The following ICOS variants were observed in gnomAD, a reference collection of about 807,000 sequenced individuals.
The protein encoded by ICOS is inducible T-cell costimulator.
Under a neutral mutation model 24.6 loss-of-function variants are expected in ICOS, and 15 were observed. The ratio of observed to expected loss-of-function variants is 0.61; its 90% CI spans 0.41 to 0.94. The LOEUF (loss-of-function observed/expected upper bound fraction) is 0.94, where lower values mean the gene tolerates loss of function less well. Among genes scored for constraint, ICOS ranks in the 40% least tolerant of loss-of-function variants. The pLI, the probability that ICOS is intolerant of heterozygous loss-of-function variation, is 0.00. For synonymous variants in ICOS, 89 were observed against 77.5 expected (o/e 1.15, Z -0.78); for missense variants, 200 against 233.0 (o/e 0.86, Z 0.92).
chr2:203,939,106 T>C (rs1477257243), intron 1 of ICOS, among the ~76,000 whole-genome samples: 1 of 152,228 alleles, frequency 6.6e-6, no homozygotes, highest in East Asian at 1.9e-4. Context: ...CTTTAGTCAG[T>C]GTTTGAAGAA....
chr2:203,957,128 G>A (rs985603186), intron 3 of ICOS, among the ~76,000 whole-genome samples: 3 of 152,144 alleles, frequency 2.0e-5, no homozygotes, highest in Admixed American at 1.3e-4. Context: ...CATGGGCTGC[G>A]AATTTGAATC....
rs1690133351 is a variant in ICOS at position 203,959,464 on chromosome 2, GTGTGTGTGTGTGTGCACGTGTGTGTT to G, written c.587-114_587-89del. 43 of 793,228 alleles carry G rather than the reference GTGTGTGTGTGTGTGCACGTGTGTGTT, an allele frequency of 5.4e-5. No homozygotes were observed. The South Asian group carries it at 5.8e-4, about 11-fold the overall frequency. 49.1% of individuals were successfully genotyped at this position (793,228 alleles called of 1,614,324 possible). ...GCATGGTGTGTGTGTGAGTGTGTGT[GTGTGTGTGTGTGTGCACGTGTGTGTT>G]TGTGTGTATGAAAGGCAATGGAGAG... On this transcript the variant is annotated intron_variant, in intron 4 of 4. Transcript: ENST00000316386.
At chr2:203,948,494 G>C (rs1019921440) in intron 1 of ICOS, among the ~76,000 whole-genome samples, 1 of 151,978 alleles carries the variant, frequency 6.6e-6, no homozygotes, top group Non-Finnish European at 1.5e-5. Context: ...TCATTTGTTC[G>C]CCCATCCAAC....
intron 1 of ICOS, among the ~76,000 whole-genome samples, chr2:203,950,702 C>G (rs1326749320): frequency 6.6e-5 from 10 of 152,160 alleles, no homozygotes; most frequent in Admixed American, 6.6e-4. Context: ...GCCTTCTGAT[C>G]ACTACATTTC....
chr2:203,955,069 C>T lies in ICOS; in HGVS notation c.59-567C>T, dbSNP rs543136257. On this transcript the variant is annotated intron_variant, in intron 1 of 4. Coordinates refer to ENST00000316386, the MANE Select transcript of ICOS (RefSeq NM_012092.4). ...TTGATCAACAGGTAGACAATTCCTTCTCCCCAAGATATACCTACTAATAAA... is the reference window on the plus strand; with the variant it reads ...TTGATCAACAGGTAGACAATTCCTTTTCCCCAAGATATACCTACTAATAAA... 5.9e-5 allele frequency among the ~76,000 whole-genome samples: 9 copies of T among 152,048 alleles called. No homozygotes were observed. The South Asian group carries it at 1.9e-3, about 32-fold the overall frequency.
chr2:203,953,222 T>G (rs1169665840), intron 1 of ICOS, among the ~76,000 whole-genome samples: 1 of 152,190 alleles, frequency 6.6e-6, no homozygotes, highest in Admixed American at 6.6e-5. Context: ...TTCTGGGAGT[T>G]GAGACATAAA....
intron 1 of ICOS, among the ~76,000 whole-genome samples, 188 bp from the exon 2 acceptor site, chr2:203,955,448 T>C (rs2105753943): frequency 6.6e-6 from 1 of 152,266 alleles, no homozygotes; most frequent in South Asian, 2.1e-4. Flanking sequence ...TAGGATTTTT[T>C]TTTCTCTAGG....
At chr2:203,937,448 C>CA (rs1448186788) in intron 1 of ICOS, among the ~76,000 whole-genome samples, 1 of 152,038 alleles carries the variant, frequency 6.6e-6, no homozygotes, top group Non-Finnish European at 1.5e-5. Context: ...GTAGACCTTA[C>CA]AAAAAAGATC....
intron 1 of ICOS, among the ~76,000 whole-genome samples, chr2:203,946,685 A>T (rs1439543331): frequency 6.6e-6 from 1 of 152,086 alleles, no homozygotes; most frequent in Non-Finnish European, 1.5e-5. Flanking sequence ...TAATGCCAGA[A>T]TTTCTTAGTA....
rs542566370 is a variant in ICOS at position 203,938,575 on chromosome 2, C to T, written c.58+1703C>T. 3.3e-5 allele frequency among the ~76,000 whole-genome samples: 5 copies of T among 152,282 alleles called. No homozygotes were observed. In the East Asian group the frequency reaches 7.7e-4, roughly 24 times the overall value. ...CAGATTTTGGATATTCTTCCAAGAA[C>T]GTTGGTACCATTCGTGGAAGGGTTT... On this transcript the variant is annotated intron_variant, in intron 1 of 4. Coordinates refer to ENST00000316386, the MANE Select transcript of ICOS (RefSeq NM_012092.4).
intron 1 of ICOS, among the ~76,000 whole-genome samples, chr2:203,941,433 A>C (rs982634020): frequency 6.6e-6 from 1 of 152,196 alleles, no homozygotes; most frequent in Non-Finnish European, 1.5e-5. Flanking sequence ...GGGGGGACTG[A>C]AATTCTTATA....
chr2:203,959,805 C>A lies in ICOS; in HGVS notation c.*206C>A. 1 of 636,596 alleles carries A rather than the reference C, an allele frequency of 1.6e-6. No homozygotes were observed. Among genetic ancestry groups the A allele is most frequent in the South Asian group, 1.8e-5 (1 of 56,392 alleles). 39.4% of individuals were successfully genotyped at this position (636,596 alleles called of 1,614,324 possible). A position where few individuals can be genotyped will look rare whatever the true frequency, so the allele number is the denominator to read the frequency against. ...TTGGTACTGCCGAGTCCTCTCAAAA[C>A]AAACACCCTCTTGCAACCAGCTTTG... On this transcript the variant is annotated 3_prime_UTR_variant, in exon 5 of 5. Transcript: ENST00000316386.
intron 1 of ICOS, among the ~76,000 whole-genome samples, chr2:203,939,954 C>T (rs890248892): frequency 6.6e-6 from 1 of 152,130 alleles, no homozygotes; most frequent in South Asian, 2.1e-4. Flanking sequence ...TGTTTATTTA[C>T]TACTTATTTT....
At chr2:203,940,374 C>A (rs1056536362) in intron 1 of ICOS, among the ~76,000 whole-genome samples, 1 of 152,204 alleles carries the variant, frequency 6.6e-6, no homozygotes, top group Non-Finnish European at 1.5e-5. Flanking sequence ...ACATCACATA[C>A]GTTCAATGAC....
chr2:203,955,855 C>T lies in ICOS; in HGVS notation c.278C>T (p.Ser93Phe). The T allele has an allele frequency of 6.2e-7, 1 of 1,613,694 alleles. No homozygotes were observed. ...CHSQLSNNSV[S>F]FFLYNLDHSH... ...TCTCAGTTATCCAACAACAGTGTCTCTTTTTTTCTATACAACTTGGACCAT... is the reference window on the plus strand; with the variant it reads ...TCTCAGTTATCCAACAACAGTGTCTTTTTTTTTCTATACAACTTGGACCAT... Residue 93 changes from serine to phenylalanine, a missense_variant, in exon 2 of 5, where the codon TCT becomes TTT. Transcript: ENST00000316386.
At chr2:203,955,512 G>GT in intron 1 of ICOS, 124 bp from the exon 2 acceptor site, 1 of 762,100 alleles carries the variant, frequency 1.3e-6, no homozygotes, top group Non-Finnish European at 2.3e-6. Context: ...ATGTGAAGCT[G>GT]TTTCATTTTG....
At chr2:203,958,759 T>C (rs1312133996) in intron 4 of ICOS, among the ~76,000 whole-genome samples, 1 of 145,930 alleles carries the variant, frequency 6.9e-6, no homozygotes, top group Admixed American at 6.9e-5. Flanking sequence ...GTGACTCTTT[T>C]GGTTCCCTAG....
chr2:203,957,436 A>G (rs913529888), intron 3 of ICOS, among the ~76,000 whole-genome samples: 3 of 152,214 alleles, frequency 2.0e-5, no homozygotes, highest in African/African-American at 7.2e-5. Context: ...ACCACTCTGC[A>G]TATTACGCGA....
Position 203,960,329 on chromosome 2 carries a change from A to G in ICOS, c.*730A>G, listed in dbSNP as rs1690156312. ...AATAGTTTTATATATCTATGCATAC[A>G]TATATACACACATATGTATATAAAA... On this transcript the variant is annotated 3_prime_UTR_variant, in exon 5 of 5. Transcript: ENST00000316386. 6.5e-6 allele frequency: 1 copy of G among 152,880 alleles called. No homozygotes were observed. The highest frequency in any genetic ancestry group is 1.5e-5 in the Non-Finnish European group (1 of 68,596). 9.5% of individuals were successfully genotyped at this position (152,880 alleles called of 1,614,324 possible). A position where few individuals can be genotyped will look rare whatever the true frequency, so the allele number is the denominator to read the frequency against.
Sources: allele counts gnomAD v4.1 joint callset (sites outside exome capture counted in the v4.1 genomes callset), GRCh38; gene constraint gnomAD v4.1.1; transcripts MANE v1.5; gene names NCBI Gene and HGNC (gene_info 2026-07-23, HGNC 2026-07-21).